The following PLCB4 variants were observed in gnomAD, a reference collection of about 807,000 sequenced individuals.
The protein encoded by PLCB4 is 1-phosphatidylinositol 4,5-bisphosphate phosphodiesterase beta-4.
PLCB4 carries 77 observed loss-of-function variants against 178.8 expected under a neutral mutation model. The ratio of observed to expected loss-of-function variants is 0.43; its 90% confidence interval spans 0.36 to 0.52. The LOEUF (loss-of-function observed/expected upper bound fraction) is 0.52. Ranked by LOEUF, PLCB4 falls within the 20% of genes least tolerant of loss-of-function variation. PLCB4 has a pLI of 0.00. For synonymous variants in PLCB4, 496 were observed against 490.8 expected (o/e 1.01, Z -0.14); for missense variants, 1,024 against 1,453.4 (o/e 0.70, Z 4.80).
chr20:9,119,148 T>A (rs1270710739), intron 2 of PLCB4, among the ~76,000 whole-genome samples: 2 of 152,296 alleles, frequency 1.3e-5, no homozygotes, highest in African/African-American at 2.4e-5. Flanking sequence ...AGCATTTTGC[T>A]AAATGCTAAG....
At chr20:9,307,731 G>C (rs1048251232) in intron 3 of PLCB4, 69 bp from the exon 4 acceptor site, 5 of 624,176 alleles carry the variant, frequency 8.0e-6, no homozygotes, top group Non-Finnish European at 1.4e-5. Context: ...ACAGAAATGC[G>C]AAGTGATTAA....
chr20:9,469,028 T>C (rs968816324), intron 36 of PLCB4, among the ~76,000 whole-genome samples: 1 of 151,998 alleles, frequency 6.6e-6, no homozygotes, highest in Non-Finnish European at 1.5e-5. Flanking sequence ...TTATTACCCA[T>C]GCTAGAGTGC....
Position 9,126,800 on chromosome 20 carries a change from A to G in PLCB4, c.-79+30458A>G, listed in dbSNP as rs143869846. Among the ~76,000 whole-genome samples, 687 of 150,402 alleles carry G rather than the reference A, an allele frequency of 4.6e-3. 6 individuals carry two copies. Among genetic ancestry groups the G allele is most frequent in the African/African-American group, 0.016 (650 of 41,018 alleles). ...TTTTTTTTTTTTTTTTGAGGTCTGA[A>G]AAAAGTCTAAGAATACTGAACTGCA... is the stretch of plus-strand genomic sequence containing the variant. On this transcript the variant is annotated intron_variant, in intron 2 of 39. Transcript: ENST00000378473.
chr20:9,075,322 A>C (rs766215071), intron 1 of PLCB4, among the ~76,000 whole-genome samples: 41 of 152,172 alleles, frequency 2.7e-4, no homozygotes, highest in Non-Finnish European at 3.5e-4. Flanking sequence ...CTAGGCTGAG[A>C]TATGACAAAA....
At chr20:9,134,841 G>C (rs969680365) in intron 2 of PLCB4, among the ~76,000 whole-genome samples, 2 of 152,004 alleles carry the variant, frequency 1.3e-5, no homozygotes, top group Non-Finnish European at 2.9e-5. Flanking sequence ...AATGAATTTT[G>C]GCATTATTTT....
chr20:9,102,786 A>G (rs1247869554), intron 2 of PLCB4, among the ~76,000 whole-genome samples: 1 of 152,194 alleles, frequency 6.6e-6, no homozygotes, highest in African/African-American at 2.4e-5. Flanking sequence ...TATTAATATC[A>G]GCACTTTGTA....
intron 2 of PLCB4, among the ~76,000 whole-genome samples, chr20:9,155,505 G>A (rs1423600043): frequency 1.3e-5 from 2 of 152,158 alleles, no homozygotes; most frequent in African/African-American, 4.8e-5. Context: ...CTACTGCAGT[G>A]TCCCAGGGAG....
chr20:9,078,625 G>T (rs2089995806), intron 1 of PLCB4, among the ~76,000 whole-genome samples: 1 of 152,094 alleles, frequency 6.6e-6, no homozygotes, highest in Non-Finnish European at 1.5e-5. Flanking sequence ...GCCTCCCAAA[G>T]TGCTGGGATT....
chr20:9,395,555 G>T lies in PLCB4; in HGVS notation c.1447G>T (p.Ala483Ser). ...QLEALRSMME[A>S]GESASPANIL... ...GGAAGCTTTGAGAAGCATGATGGAA[G>T]CTGGAGAATCTGCCTCCCCAGCAAA... Residue 483 changes from alanine (A) to serine (S), a missense_variant, in exon 19 of 40, where the codon GCT (alanine) becomes TCT (serine). Ala to Ser is a moderately conservative substitution (Grantham distance 99). This residue lies in a region of PLCB4 where 263 missense variants were observed against 417.4 expected (regional missense o/e 0.63). Coordinates refer to ENST00000378473, the MANE Select transcript of PLCB4 (RefSeq NM_001377142.1). The T allele has an allele frequency of 6.2e-7, 1 of 1,613,884 alleles. No individual in the cohort carries two copies. Among genetic ancestry groups the T allele is most frequent in the Non-Finnish European group, 8.5e-7 (1 of 1,179,828 alleles).
At chr20:9,251,214 C>G (rs2094176786) in intron 3 of PLCB4, among the ~76,000 whole-genome samples, 2 of 152,158 alleles carry the variant, frequency 1.3e-5, no homozygotes, top group Admixed American at 1.3e-4. Flanking sequence ...CTTTCAACAG[C>G]AAGAACTAGA....
At chr20:9,297,850 A>G (rs2094657104) in intron 3 of PLCB4, among the ~76,000 whole-genome samples, 1 of 152,162 alleles carries the variant, frequency 6.6e-6, no homozygotes, top group African/African-American at 2.4e-5. Flanking sequence ...GGGAATTGCT[A>G]CAGGCAAACA....
At chr20:9,324,280 G>T (rs1568587452) in intron 4 of PLCB4, among the ~76,000 whole-genome samples, 1 of 151,928 alleles carries the variant, frequency 6.6e-6, no homozygotes, top group South Asian at 2.1e-4. Context: ...ACAAAAATTA[G>T]CTGGGCATGG....
In PLCB4 at chr20:9,419,909, G is replaced by T; in HGVS notation, c.2154G>T (p.Gln718His). The T allele has an allele frequency of 6.3e-7, 1 of 1,591,594 alleles. No individual in the cohort carries two copies. Among genetic ancestry groups the T allele is most frequent in the Non-Finnish European group, 8.6e-7 (1 of 1,159,462 alleles). Residue 718 changes from glutamine to histidine, a missense_variant and splice_region_variant, in exon 26 of 40, where the codon CAG becomes CAT. Physicochemically the swap from Gln to His is conservative, Grantham distance 24 (BLOSUM62 0). Around this residue, in one of 7 missense-constraint regions of PLCB4, gnomAD observed 227 missense variants for 374.3 expected, o/e 0.61. Transcript: ENST00000378473. Reference sequence around the variant, plus strand: ...TTATTGCAGCCACTTGCTCAGTGCAGGTAAGGCCCCTGCTCATCACAAGGT... The same window carrying T: ...TTATTGCAGCCACTTGCTCAGTGCATGTAAGGCCCCTGCTCATCACAAGGT... ...DGVIAATCSV[Q>H]VISGQFLSDK...
chr20:9,132,284 TTGTGTGTGTG>T (rs34334709), intron 2 of PLCB4, among the ~76,000 whole-genome samples: 2 of 149,180 alleles, frequency 1.3e-5, no homozygotes, highest in Non-Finnish European at 1.5e-5. Flanking sequence ...GGCATAATGT[TTGTGTGTGTG>T]TGTGTGTGTG....
chr20:9,262,813 A>G (rs1321328891), intron 3 of PLCB4, among the ~76,000 whole-genome samples: 1 of 152,150 alleles, frequency 6.6e-6, no homozygotes, highest in African/African-American at 2.4e-5. Context: ...TTGCATTGGA[A>G]TTTGCAGGCA....
chr20:9,469,715 T>C (rs1265238907), intron 36 of PLCB4, among the ~76,000 whole-genome samples: 3 of 152,198 alleles, frequency 2.0e-5, no homozygotes, highest in African/African-American at 7.2e-5. Context: ...TAGGCAGTCA[T>C]TGGCCGCCTG....
intron 7 of PLCB4, among the ~76,000 whole-genome samples, chr20:9,357,804 G>A (rs1229822412): frequency 1.3e-5 from 2 of 152,156 alleles, no homozygotes; most frequent in African/African-American, 4.8e-5. Context: ...AATTTCTGTT[G>A]CTTATAAGCT....
At chr20:9,239,723 G>T (rs1051255433) in intron 3 of PLCB4, among the ~76,000 whole-genome samples, 4 of 152,130 alleles carry the variant, frequency 2.6e-5, no homozygotes, top group Non-Finnish European at 5.9e-5. Context: ...CCCACAGTAG[G>T]CCATCTGCAA....
chr20:9,459,945 A>G (rs1255775893), intron 35 of PLCB4, 135 bp downstream of exon 35: 2 of 620,382 alleles, frequency 3.2e-6, no homozygotes, highest in African/African-American at 1.8e-5. Context: ...GTATCTCATC[A>G]TATGGCTGAT....
Sources: allele counts gnomAD v4.1 joint callset (sites outside exome capture counted in the v4.1 genomes callset), GRCh38; gene constraint gnomAD v4.1.1; regional missense constraint gnomAD v4.1.1; transcripts MANE v1.5; gene names NCBI Gene and HGNC (gene_info 2026-07-23, HGNC 2026-07-21).